GPR158: variants seen among roughly 807,000 people sequenced by gnomAD.
The protein encoded by GPR158 is metabotropic glycine receptor.
A neutral mutation model predicts 78.2 loss-of-function variants in GPR158; 30 were observed. The ratio of observed to expected loss-of-function variants is 0.38; its 90% confidence interval spans 0.29 to 0.52. The LOEUF is 0.52. Among genes scored for constraint, GPR158 ranks in the 20% least tolerant of loss-of-function variants. The pLI is 0.83. For synonymous variants in GPR158, 581 were observed against 591.1 expected (o/e 0.98, Z 0.25); for missense variants, 1,463 against 1,523.5 (o/e 0.96, Z 0.66).
intron 5 of GPR158, among the ~76,000 whole-genome samples, chr10:25,471,579 T>C (rs770162141): frequency 7.9e-5 from 12 of 152,154 alleles, no homozygotes; most frequent in African/African-American, 2.4e-4. Context: ...GTCCCACCAA[T>C]AGTATAAAAG....
At chr10:25,208,850 CTTT>C (rs569632042) in intron 1 of GPR158, among the ~76,000 whole-genome samples, 4 of 135,060 alleles carry the variant, frequency 3.0e-5, no homozygotes, top group Non-Finnish European at 3.2e-5. Context: ...TTCTTTCCTT[CTTT>C]TTTTTTTTTT....
intron 4 of GPR158, among the ~76,000 whole-genome samples, chr10:25,422,918 A>G (rs1012443648): frequency 7.2e-6 from 1 of 139,358 alleles, no homozygotes; most frequent in Non-Finnish European, 1.5e-5. Flanking sequence ...GCGTCCTCAT[A>G]GCTCAGCTCC....
At chr10:25,386,290 T>G (rs1266153121) in intron 2 of GPR158, among the ~76,000 whole-genome samples, 1 of 152,178 alleles carries the variant, frequency 6.6e-6, no homozygotes, top group Non-Finnish European at 1.5e-5. Context: ...CTATTCCATT[T>G]GTCTATATGT....
chr10:25,355,296 TCTG>T (rs1855533907), intron 2 of GPR158, among the ~76,000 whole-genome samples: 1 of 152,086 alleles, frequency 6.6e-6, no homozygotes, highest in African/African-American at 2.4e-5. Flanking sequence ...CATGAACTAT[TCTG>T]CTGCTGAGAG....
chr10:25,257,651 C>G (rs1726659892), intron 2 of GPR158, among the ~76,000 whole-genome samples: 4 of 152,136 alleles, frequency 2.6e-5, no homozygotes, highest in Non-Finnish European at 2.9e-5. Context: ...AAACATTTTT[C>G]TTCCCTATTT....
At chr10:25,281,606 A>G (rs1266793276) in intron 2 of GPR158, among the ~76,000 whole-genome samples, 2 of 151,916 alleles carry the variant, frequency 1.3e-5, no homozygotes, top group African/African-American at 4.8e-5. Context: ...ACTAAAAATA[A>G]TGAAAATAAT....
At chr10:25,222,840 A>G (rs1853318864) in intron 2 of GPR158, among the ~76,000 whole-genome samples, 1 of 152,146 alleles carries the variant, frequency 6.6e-6, no homozygotes, top group Non-Finnish European at 1.5e-5. Flanking sequence ...TGGTTCAATA[A>G]GCAGTCTGCC....
At chr10:25,343,118 TCTTATAGC>T (rs1855327546) in intron 2 of GPR158, among the ~76,000 whole-genome samples, 1 of 152,024 alleles carries the variant, frequency 6.6e-6, no homozygotes, top group Non-Finnish European at 1.5e-5. Context: ...GCTTAAGATG[TCTTATAGC>T]CCCTTTTAAT....
chr10:25,381,353 T>C (rs924812561), intron 2 of GPR158, among the ~76,000 whole-genome samples: 1 of 152,034 alleles, frequency 6.6e-6, no homozygotes, highest in African/African-American at 2.4e-5. Context: ...TAAATGGAGA[T>C]AATGAGCATA....
intron 2 of GPR158, among the ~76,000 whole-genome samples, chr10:25,239,612 A>G (rs1333866892): frequency 6.6e-6 from 1 of 151,482 alleles, no homozygotes; most frequent in East Asian, 2.0e-4. Context: ...TGTCTCAAAA[A>G]AAAAAAAAAA....
At chr10:25,542,600 A>G (rs1836601770) in intron 5 of GPR158, among the ~76,000 whole-genome samples, 1 of 152,152 alleles carries the variant, frequency 6.6e-6, no homozygotes, top group African/African-American at 2.4e-5. Context: ...AGGAGGGTGG[A>G]TCACCTGAGG....
At position 25,396,007 on chromosome 10, in the gene GPR158, T is replaced by G; in HGVS notation, c.1105T>G (p.Phe369Val). 6.5e-7 allele frequency: 1 copy of G among 1,530,398 alleles called. No individual in the cohort carries two copies. Among genetic ancestry groups the G allele is most frequent in the Non-Finnish European group, 9.1e-7 (1 of 1,103,856 alleles). The allele number at this position is 1,530,398 out of a possible 1,614,324, so 94.8% of individuals were successfully genotyped here. Residue 369 changes from phenylalanine to valine, a missense_variant, in exon 3 of 11, where the codon TTT becomes GTT. Phe to Val is a conservative substitution (Grantham distance 50). Transcript: ENST00000376351. ...TCCTGGAGTCTTACCAGTGAACAAC[T>G]TTCGGAGTAAGTGCCCTTTGTTTCT... is the stretch of plus-strand genomic sequence containing the variant. Reference protein sequence around the residue: ...YHPGVLPVNNFRRRGPDQHIS... With the variant: ...YHPGVLPVNNVRRRGPDQHIS...
chr10:25,458,210 GA>G (rs1835316400), intron 4 of GPR158, among the ~76,000 whole-genome samples: 1 of 152,014 alleles, frequency 6.6e-6, no homozygotes, highest in Non-Finnish European at 1.5e-5. Context: ...TGAAGTCTTA[GA>G]AGTTAGAAAG....
intron 1 of GPR158, among the ~76,000 whole-genome samples, chr10:25,210,519 C>T (rs1304911661): frequency 2.6e-5 from 4 of 152,214 alleles, no homozygotes; most frequent in South Asian, 2.1e-4. Context: ...CCTGCCAATA[C>T]TTGGCATTAT....
At position 25,598,016 on chromosome 10, in the gene GPR158, G is replaced by C. The variant is rs764364901; in HGVS notation, c.2390G>C (p.Gly797Ala). ...AGGAAGAACCCCCCAGAGTCTTCAG[G>C]GAACACAGGGAAATCCAAGGAGGAG... ...LIRKNPPESS[G>A]NTGKSKEETL... Residue 797 changes from glycine (G) to alanine (A), a missense_variant, in exon 11 of 11, where the codon GGG (glycine) becomes GCG (alanine). Coordinates refer to ENST00000376351, the MANE Select transcript of GPR158 (RefSeq NM_020752.3). The C allele has an allele frequency of 6.2e-7, 1 of 1,614,072 alleles. No homozygotes were observed. Among genetic ancestry groups the C allele is most frequent in the African/African-American group, 1.3e-5 (1 of 75,020 alleles).
chr10:25,462,360 C>T (rs1247808601), intron 4 of GPR158, among the ~76,000 whole-genome samples: 2 of 152,194 alleles, frequency 1.3e-5, no homozygotes, highest in African/African-American at 4.8e-5. Context: ...TGCACATAGT[C>T]ACCCAAGAGG....
chr10:25,197,407 A>G (rs1852857577), intron 1 of GPR158, among the ~76,000 whole-genome samples: 1 of 152,172 alleles, frequency 6.6e-6, no homozygotes, highest in African/African-American at 2.4e-5. Context: ...CATAATGTCT[A>G]TTAGGATCTA....
chr10:25,359,970 G>T (rs1855609132), intron 2 of GPR158, among the ~76,000 whole-genome samples: 1 of 152,060 alleles, frequency 6.6e-6, no homozygotes, highest in Non-Finnish European at 1.5e-5. Flanking sequence ...GGCATGAGAT[G>T]GTATCTCATG....
intron 2 of GPR158, among the ~76,000 whole-genome samples, chr10:25,319,514 G>T (rs565583248): frequency 1.1e-4 from 16 of 152,134 alleles, no homozygotes; most frequent in African/African-American, 3.9e-4. Flanking sequence ...TTGATACCCT[G>T]GTTTCTAGAA....
Sources: gnomAD v4.1 joint callset for allele counts (sites outside exome capture counted in the v4.1 genomes callset) on GRCh38, gnomAD v4.1.1 for gene constraint, MANE v1.5 for transcripts, NCBI Gene and HGNC (gene_info 2026-07-23, HGNC 2026-07-21) for gene names.